STX7: variants seen among roughly 807,000 people sequenced by gnomAD.
STX7 encodes syntaxin 7, also known as syntaxin-7.
STX7 carries 34 observed loss-of-function variants against 39.6 expected under a neutral mutation model. That is an observed-to-expected ratio of 0.86 (90% CI 0.65 to 1.14). The LOEUF (loss-of-function observed/expected upper bound fraction) is 1.14, where lower values mean the gene tolerates loss of function less well. Ranked by LOEUF, STX7 falls within the 50% of genes most tolerant of loss-of-function variation. The pLI is 0.00. For missense variants in STX7, 284 were observed against 310.4 expected, an observed-to-expected ratio of 0.92 and a Z score of 0.64; for synonymous variants, 119 against 99.1, an observed-to-expected ratio of 1.20 and a Z score of -1.19.
At chr6:132,499,379 TG>T (rs1172088056) in intron 2 of STX7, among the ~76,000 whole-genome samples, 1 of 152,220 alleles carries the variant, frequency 6.6e-6, no homozygotes, top group Non-Finnish European at 1.5e-5. Flanking sequence ...TGTAGCCACC[TG>T]ATCAATGACA....
At chr6:132,469,542 A>C (rs898984592) in intron 7 of STX7, among the ~76,000 whole-genome samples, 1 of 152,182 alleles carries the variant, frequency 6.6e-6, no homozygotes, top group Non-Finnish European at 1.5e-5. Context: ...TGATACATTA[A>C]TTTTCTTTCT....
chr6:132,503,452 G>A lies in STX7; in HGVS notation c.79C>T (p.Gln27Ter). 1 of 1,613,778 alleles carries A rather than the reference G, an allele frequency of 6.2e-7. No homozygotes were observed. The highest frequency in any genetic ancestry group is 8.5e-7 in the Non-Finnish European group (1 of 1,179,712). The change falls in exon 2 of 10, where the codon CAG becomes TAG. Residue 27 changes from glutamine (Q) to a stop codon, truncating the protein, a stop_gained. Coordinates refer to ENST00000367941, the MANE Select transcript of STX7 (RefSeq NM_003569.3). LOFTEE classifies it high-confidence loss of function. ...CATTTAAAACTCAACTCACAACACTGTGTGATCTTCTGGATGTTAGAAGAG... is the reference window on the plus strand; with the variant it reads ...CATTTAAAACTCAACTCACAACACTATGTGATCTTCTGGATGTTAGAAGAG... ...RISSNIQKIT[Q>*]CSVEIQRTLN...
intron 1 of STX7, among the ~76,000 whole-genome samples, chr6:132,506,398 A>C (rs1582686684): frequency 6.6e-6 from 1 of 152,190 alleles, no homozygotes; most frequent in African/African-American, 2.4e-5. Flanking sequence ...AAACAACTCA[A>C]CAAAAAACCC....
chr6:132,489,066 G>A (rs1307103622), intron 2 of STX7, among the ~76,000 whole-genome samples: 1 of 151,978 alleles, frequency 6.6e-6, no homozygotes, highest in Non-Finnish European at 1.5e-5. Context: ...GCCAAGTATG[G>A]TGGCACACCC....
intron 2 of STX7, among the ~76,000 whole-genome samples, chr6:132,481,893 G>C (rs1775023675): frequency 6.6e-6 from 1 of 152,188 alleles, no homozygotes; most frequent in South Asian, 2.1e-4. Context: ...ATGGTTTGAA[G>C]GGTAAGAAAT....
chr6:132,469,884 C>T (rs545072725), intron 7 of STX7, 67 bp downstream of exon 7: 1 of 1,326,332 alleles, frequency 7.5e-7, no homozygotes, highest in Non-Finnish European at 1.0e-6. Context: ...CCAGCATTAC[C>T]TAAGCATCTT....
chr6:132,469,976 C>A lies in STX7; in HGVS notation c.512G>T (p.Arg171Ile). ...TEDDLRLIHE[R>I]ESSIRQLEAD... is the part of the protein sequence containing the mutation. Reference sequence around the variant, plus strand: ...TTCAAGTTGCCTGATAGAAGATTCTCTCTCATGAATAAGACGGAGGTCATC... The same window carrying A: ...TTCAAGTTGCCTGATAGAAGATTCTATCTCATGAATAAGACGGAGGTCATC... Residue 171 changes from arginine to isoleucine, a missense_variant, in exon 7 of 10, where the codon AGA becomes ATA. Physicochemically the swap from Arg to Ile is moderately conservative, Grantham distance 97 (BLOSUM62 -3). Coordinates refer to ENST00000367941, the MANE Select transcript of STX7 (RefSeq NM_003569.3). 3 of 1,600,174 alleles carry A rather than the reference C, an allele frequency of 1.9e-6. No individual in the cohort carries two copies. The highest frequency in any genetic ancestry group is 2.6e-6 in the Non-Finnish European group (3 of 1,174,990).
intron 2 of STX7, among the ~76,000 whole-genome samples, chr6:132,492,862 G>C (rs1407297774): frequency 6.6e-6 from 1 of 152,120 alleles, no homozygotes; most frequent in Non-Finnish European, 1.5e-5. Flanking sequence ...AACAAAGCAG[G>C]GTATATAGGA....
rs562039738 is a variant in STX7 at position 132,453,030 on chromosome 6, A to G, written c.*7728T>C. The G allele has an allele frequency of 5.3e-5, 8 of 152,240 alleles. No individual in the cohort carries two copies. The South Asian group carries it at 1.7e-3, about 32-fold the overall frequency. 9.4% of individuals were successfully genotyped at this position (152,240 alleles called of 1,614,324 possible). A position where few individuals can be genotyped will look rare whatever the true frequency, so the allele number is the denominator to read the frequency against. ...GAGGTATAGACACATAGTCTAATGG[A>G]AAAGAATAGAAAACCCAGATATAGA... On this transcript the variant is annotated 3_prime_UTR_variant, in exon 10 of 10. Coordinates refer to ENST00000367941, the MANE Select transcript of STX7 (RefSeq NM_003569.3).
chr6:132,478,465 G>A (rs80283116), intron 2 of STX7, among the ~76,000 whole-genome samples: 2,809 of 152,142 alleles, frequency 0.018, 53 homozygotes, highest in African/African-American at 0.046. Flanking sequence ...CTGAGTAAGG[G>A]CTCTTATGGA....
intron 2 of STX7, among the ~76,000 whole-genome samples, chr6:132,501,744 C>T (rs1187904193): frequency 6.6e-6 from 1 of 152,090 alleles, no homozygotes; most frequent in Non-Finnish European, 1.5e-5. Context: ...GCCTCTTGGC[C>T]TCCTTTCTTG....
intron 2 of STX7, among the ~76,000 whole-genome samples, chr6:132,480,453 T>C (rs1039384860): frequency 1.3e-5 from 2 of 152,192 alleles, no homozygotes; most frequent in African/African-American, 4.8e-5. Context: ...CACCTAATTA[T>C]CCATTTGTAC....
In STX7 at chr6:132,453,555, C is replaced by CT. The variant is rs1316345993; in HGVS notation, c.*7202_*7203insA. 2 of 151,800 alleles carry CT rather than the reference C, an allele frequency of 1.3e-5. No homozygotes were observed. Among genetic ancestry groups the CT allele is most frequent in the Non-Finnish European group, 2.9e-5 (2 of 67,898 alleles). 9.4% of individuals were successfully genotyped at this position (151,800 alleles called of 1,614,324 possible). A position where few individuals can be genotyped will look rare whatever the true frequency, so the allele number is the denominator to read the frequency against. Reference sequence around the variant, plus strand: ...ACACACACACACACACAGAGGCACACACACACATTATTTAAAAGCCCTCAA... The same window carrying CT: ...ACACACACACACACACAGAGGCACACTACACACATTATTTAAAAGCCCTCAA... On this transcript the variant is annotated 3_prime_UTR_variant, in exon 10 of 10. Transcript: ENST00000367941.
chr6:132,495,237 A>C (rs1775395491), intron 2 of STX7, among the ~76,000 whole-genome samples: 1 of 152,234 alleles, frequency 6.6e-6, no homozygotes, highest in African/African-American at 2.4e-5. Flanking sequence ...GTCATAAAGG[A>C]AAAGTCACTG....
At position 132,482,169 on chromosome 6, in the gene STX7, A is replaced by T. The variant is rs189312646; in HGVS notation, c.86-6507T>A. Among the ~76,000 whole-genome samples the T allele has an allele frequency of 1.0e-3, 157 of 152,350 alleles. 1 individual carries two copies. The highest frequency in any genetic ancestry group is 3.6e-3 in the African/African-American group (150 of 41,588). On this transcript the variant is annotated intron_variant, in intron 2 of 9. Transcript: ENST00000367941. ...TTTCTAAAACATACAGCATAAATAA[A>T]TGGAGAGTTAAGAAAGGTAGTTATG...
chr6:132,466,042 C>T (rs949691755), intron 8 of STX7, among the ~76,000 whole-genome samples: 2 of 152,188 alleles, frequency 1.3e-5, no homozygotes, highest in Admixed American at 6.5e-5. Flanking sequence ...TGTTTCACTT[C>T]CCCTCTTTAC....
chr6:132,463,932 AACAC>A (rs112655932), intron 9 of STX7, 57 bp downstream of exon 9: 19 of 1,434,270 alleles, frequency 1.3e-5, no homozygotes, highest in Non-Finnish European at 1.8e-5. Flanking sequence ...CCTCAACACA[AACAC>A]ACACACACAC....
At chr6:132,502,924 T>C (rs1775612602) in intron 2 of STX7, among the ~76,000 whole-genome samples, 1 of 151,720 alleles carries the variant, frequency 6.6e-6, no homozygotes, top group African/African-American at 2.4e-5. Flanking sequence ...ATGTGGGGAA[T>C]GCAGGTCTGA....
Position 132,472,340 on chromosome 6 carries a change from T to C in STX7, c.191A>G (p.Lys64Arg), listed in dbSNP as rs775613410. ...CTCTTTAATGTACTTATCTGTTTCTTTGGCAAGCTGGTTAGTATACTGCTG... is the reference window on the plus strand; with the variant it reads ...CTCTTTAATGTACTTATCTGTTTCTCTGGCAAGCTGGTTAGTATACTGCTG... ...QKQQYTNQLA[K>R]ETDKYIKEFG... The change falls in exon 4 of 10, where the codon AAA becomes AGA. Residue 64 changes from lysine (K) to arginine (R), a missense_variant. By Grantham distance (26) the Lys-to-Arg change is conservative. Transcript: ENST00000367941. 3.7e-6 allele frequency: 6 copies of C among 1,613,674 alleles called. No homozygotes were observed. Among genetic ancestry groups the C allele is most frequent in the Middle Eastern group, 1.7e-4 (1 of 6,054 alleles).
Sources: gnomAD v4.1 joint callset for allele counts (sites outside exome capture counted in the v4.1 genomes callset) on GRCh38, gnomAD v4.1.1 for gene constraint, MANE v1.5 for transcripts, NCBI Gene and HGNC (gene_info 2026-07-23, HGNC 2026-07-21) for gene names.